Variants in FMO3 observed in about 807,000 individuals in gnomAD.
FMO3 encodes the protein flavin containing dimethylaniline monoxygenase 3.
A neutral mutation model predicts 39.4 loss-of-function variants in FMO3; 40 were observed. The observed-to-expected ratio is 1.02, with a 90% CI of 0.79 to 1.32. FMO3 has a LOEUF of 1.32. Ranked by LOEUF, FMO3 falls within the 40% of genes most tolerant of loss-of-function variation. The probability of loss-of-function intolerance (pLI) is 0.00; values close to 1 mark genes in which losing one functional copy is unlikely to be tolerated. For synonymous variants in FMO3, 219 were observed against 228.8 expected, an observed-to-expected ratio of 0.96 and a Z score of 0.39; for missense variants, 680 against 651.8, an observed-to-expected ratio of 1.04 and a Z score of -0.47.
chr1:171,096,034 T>TACA (rs1557933017), intron 2 of FMO3, among the ~76,000 whole-genome samples: 2 of 65,868 alleles, frequency 3.0e-5, no homozygotes, highest in African/African-American at 1.7e-4. Context: ...TAATATATAA[T>TACA]ATATATTATA....
chr1:171,100,559 G>T (rs969212695), intron 2 of FMO3: 1 of 152,300 alleles, frequency 6.6e-6, no homozygotes. Context: ...TAGAAATTTT[G>T]CCTCATCCTG....
At chr1:171,113,370 G>T (rs1187399529) in intron 6 of FMO3, among the ~76,000 whole-genome samples, 1 of 152,148 alleles carries the variant, frequency 6.6e-6, no homozygotes, top group Non-Finnish European at 1.5e-5. Flanking sequence ...GCCTCTGTCT[G>T]CATGGGGCTC....
chr1:171,091,665 T>C (rs1440982222), intron 1 of FMO3, among the ~76,000 whole-genome samples: 2 of 150,984 alleles, frequency 1.3e-5, no homozygotes, highest in Admixed American at 6.6e-5. Flanking sequence ...CATAGCTCAC[T>C]GCAGCCTCAA....
chr1:171,098,680 G>A (rs1343804772), intron 2 of FMO3, among the ~76,000 whole-genome samples: 1 of 152,176 alleles, frequency 6.6e-6, no homozygotes, highest in South Asian at 2.1e-4. Context: ...TCAGCTTAAG[G>A]AGATTTTGGG....
chr1:171,101,662 T>C (rs1037119314), intron 2 of FMO3: 1 of 476,946 alleles, frequency 2.1e-6, no homozygotes, highest in African/African-American at 2.0e-5. Context: ...GCCCTTCTAG[T>C]TCTGACTTCT....
intron 2 of FMO3, among the ~76,000 whole-genome samples, chr1:171,099,549 T>G (rs1655261874): frequency 1.3e-5 from 2 of 152,094 alleles, no homozygotes. Flanking sequence ...TAATTAAATA[T>G]TTATAGTAAT....
chr1:171,105,477 A>G (rs1217592013), intron 3 of FMO3, among the ~76,000 whole-genome samples: 1 of 152,160 alleles, frequency 6.6e-6, no homozygotes, highest in Non-Finnish European at 1.5e-5. Context: ...GACTTCCACA[A>G]TGGTTGAACT....
At chr1:171,110,734 G>A (rs1361344430) in intron 5 of FMO3, 64 bp from the exon 6 acceptor site, 4 of 1,442,208 alleles carry the variant, frequency 2.8e-6, no homozygotes, top group Non-Finnish European at 3.9e-6. Context: ...GGGATCTGGG[G>A]TGCTCACCAG....
intron 5 of FMO3, 44 bp downstream of exon 5, chr1:171,108,265 A>G: frequency 6.2e-7 from 1 of 1,609,908 alleles, no homozygotes; most frequent in Non-Finnish European, 8.5e-7. Flanking sequence ...TACTGACAGA[A>G]GAGTTATTAT....
chr1:171,114,118 TG>T lies in FMO3; in HGVS notation c.940del (p.Glu314ArgfsTer12). 1 of 1,613,974 alleles carries T rather than the reference TG, an allele frequency of 6.2e-7. No individual in the cohort carries two copies. The highest frequency in any genetic ancestry group is 8.5e-7 in the Non-Finnish European group (1 of 1,179,902). On this transcript the variant is annotated frameshift_variant, in exon 7 of 9. Transcript: ENST00000367755. LOFTEE classifies it high-confidence loss of function. ...AATTCACAGAGACCTCGGCCATTTTTGAGGATGGGACCATATTTGAGGGCAT... is the reference window on the plus strand; with the variant it reads ...AATTCACAGAGACCTCGGCCATTTTTAGGATGGGACCATATTTGAGGGCAT... ...KEFTETSAIF[E>X]DGTIFEGIDC...
chr1:171,096,938 C>T (rs890257063), intron 2 of FMO3, among the ~76,000 whole-genome samples: 2 of 151,222 alleles, frequency 1.3e-5, no homozygotes, highest in Admixed American at 6.6e-5. Flanking sequence ...TATCCCTCCC[C>T]ACTCCCCCCG....
intron 2 of FMO3, among the ~76,000 whole-genome samples, chr1:171,102,668 A>G (rs1242981035): frequency 6.6e-6 from 1 of 152,196 alleles, no homozygotes; most frequent in African/African-American, 2.4e-5. Flanking sequence ...AGTGGGACCT[A>G]ATGCTCAGTG....
intron 2 of FMO3, among the ~76,000 whole-genome samples, chr1:171,099,056 C>T (rs1270340777): frequency 6.6e-6 from 1 of 152,166 alleles, no homozygotes; most frequent in Non-Finnish European, 1.5e-5. Context: ...TTTCCCTCTA[C>T]ACACTGCTTT....
intron 6 of FMO3, among the ~76,000 whole-genome samples, chr1:171,113,684 A>T (rs1406243997): frequency 6.6e-6 from 1 of 152,198 alleles, no homozygotes; most frequent in Non-Finnish European, 1.5e-5. Context: ...AAATGTAAAC[A>T]CCGAGGTACC....
At chr1:171,116,152 A>G (rs1656138344) in intron 7 of FMO3, 56 bp from the exon 8 acceptor site, 4 of 1,052,722 alleles carry the variant, frequency 3.8e-6, no homozygotes, top group African/African-American at 3.2e-5. Context: ...GGAAAATTAC[A>G]GGCTGGTCCT....
chr1:171,103,825 T>G lies in FMO3; in HGVS notation c.173T>G (p.Val58Gly), dbSNP rs1422120010. The part of the protein sequence containing the change: ...EEGRASIYKS[V>G]FSNSSKEMMC... ...GGCAGGGCTAGCATTTACAAATCAG[T>G]CTTTTCCAACTCTTCCAAAGAGATG... Residue 58 changes from valine to glycine, a missense_variant, in exon 3 of 9, where the codon GTC becomes GGC. By Grantham distance (109) the Val-to-Gly change is moderately radical. Coordinates refer to ENST00000367755, the MANE Select transcript of FMO3 (RefSeq NM_001002294.3). 1 of 1,613,926 alleles carries G rather than the reference T, an allele frequency of 6.2e-7. No homozygotes were observed. The highest frequency in any genetic ancestry group is 8.5e-7 in the Non-Finnish European group (1 of 1,179,886).
At chr1:171,102,014 A>G (rs1233332692) in intron 2 of FMO3, among the ~76,000 whole-genome samples, 1 of 152,114 alleles carries the variant, frequency 6.6e-6, no homozygotes, top group Admixed American at 6.6e-5. Context: ...ACTCACAGAA[A>G]GCTACAAATT....
At chr1:171,109,526 CTTTTTTTTTTTTTT>C (rs780479699) in intron 5 of FMO3, among the ~76,000 whole-genome samples, 3 of 58,994 alleles carry the variant, frequency 5.1e-5, no homozygotes, top group South Asian at 8.1e-4. Context: ...TTAGTCTCTT[CTTTTTTTTTTTTTT>C]TTTTTTTTTT....
At chr1:171,095,792 A>T (rs938282706) in intron 2 of FMO3, among the ~76,000 whole-genome samples, 6 of 130,116 alleles carry the variant, frequency 4.6e-5, no homozygotes, top group Middle Eastern at 3.8e-3. Context: ...TTAAATATAT[A>T]AAAAATATAA....
Sources: gnomAD v4.1 joint callset for allele counts (sites outside exome capture counted in the v4.1 genomes callset) on GRCh38, gnomAD v4.1.1 for gene constraint, MANE v1.5 for transcripts, NCBI Gene and HGNC (gene_info 2026-07-23, HGNC 2026-07-21) for gene names.